The following SERF2 variants were observed in gnomAD, a reference collection of about 807,000 sequenced individuals.
SERF2 encodes the protein gastric cancer-related protein VRG107.
A neutral mutation model predicts 10.7 loss-of-function variants in SERF2; 4 were observed. The observed-to-expected ratio is 0.37, with a 90% CI of 0.18 to 0.86. The LOEUF is 0.86. SERF2 is among the 40% of genes least tolerant of loss of function. SERF2 has a pLI of 0.43. For missense variants in SERF2, 47 were observed against 79.1 expected (o/e 0.59, Z 1.54); for synonymous variants, 26 against 26.0 (o/e 1.00, Z 0.01).
At position 43,794,958 on chromosome 15, in the gene SERF2, T is replaced by C. The variant is rs769313998; in HGVS notation, c.*1185T>C. 8 of 1,506,974 alleles carry C rather than the reference T, an allele frequency of 5.3e-6. No homozygotes were observed. The highest frequency in any genetic ancestry group is 3.6e-5 in the South Asian group (3 of 83,876). 93.4% of individuals were successfully genotyped at this position (1,506,974 alleles called of 1,614,324 possible). A position where few individuals can be genotyped will look rare whatever the true frequency, so the allele number is the denominator to read the frequency against. ...TGGACAGCTCCCCTTGAGCCAACTCTAGGAGTACAATGTCAGGGGAACCCC... is the reference window on the plus strand; with the variant it reads ...TGGACAGCTCCCCTTGAGCCAACTCCAGGAGTACAATGTCAGGGGAACCCC... On this transcript the variant is annotated 3_prime_UTR_variant, in exon 3 of 3. Coordinates refer to ENST00000249786, the MANE Select transcript of SERF2 (RefSeq NM_001018108.4).
At position 43,792,955 on chromosome 15, in the gene SERF2, C is replaced by T. The variant is rs776736585; in HGVS notation, c.8-20C>T. On this transcript the variant is annotated intron_variant, in intron 1 of 2. Coordinates refer to ENST00000249786, the MANE Select transcript of SERF2 (RefSeq NM_001018108.4). Reference sequence around the variant, plus strand: ...GGGCAGAGCGGCCCCCGCGTCTCACCTTTAATTTTCTTTCCTTAGGCGGTA... The same window carrying T: ...GGGCAGAGCGGCCCCCGCGTCTCACTTTTAATTTTCTTTCCTTAGGCGGTA... 2 of 1,568,496 alleles carry T rather than the reference C, an allele frequency of 1.3e-6. No individual in the cohort carries two copies. Among genetic ancestry groups the T allele is most frequent in the Non-Finnish European group, 8.7e-7 (1 of 1,149,450 alleles).
At chr15:43,780,384 C>T (rs567646189) in intron 1 of SERF2, among the ~76,000 whole-genome samples, 15 of 152,210 alleles carry the variant, frequency 9.9e-5, no homozygotes, top group South Asian at 2.1e-4. Flanking sequence ...CCTCGTGATC[C>T]GCCCACCTCG....
chr15:43,783,176 T>C (rs1367808382), intron 1 of SERF2, among the ~76,000 whole-genome samples: 1 of 151,922 alleles, frequency 6.6e-6, no homozygotes, highest in Non-Finnish European at 1.5e-5. Flanking sequence ...CTCAGCCAAT[T>C]TTTATATTTT....
At chr15:43,780,422 G>A (rs775351649) in intron 1 of SERF2, among the ~76,000 whole-genome samples, 1 of 152,178 alleles carries the variant, frequency 6.6e-6, no homozygotes, top group Non-Finnish European at 1.5e-5. Context: ...GATTACAGGC[G>A]TCAGCCACCG....
At chr15:43,792,952 C>A in intron 1 of SERF2, 23 bp from the exon 2 acceptor site, 1 of 1,561,602 alleles carries the variant, frequency 6.4e-7, no homozygotes, top group Non-Finnish European at 8.7e-7. Flanking sequence ...CCCCGCGTCT[C>A]ACCTTTAATT....
At chr15:43,786,837 C>T (rs2087011247) in intron 2 of SERF2, among the ~76,000 whole-genome samples, 1 of 152,156 alleles carries the variant, frequency 6.6e-6, no homozygotes. Flanking sequence ...TGTGTTTCCT[C>T]ATTCATGTCA....
intron 2 of SERF2, chr15:43,793,501 C>G (rs2087121424): frequency 7.0e-7 from 1 of 1,424,624 alleles, no homozygotes; most frequent in Non-Finnish European, 9.3e-7. Context: ...CACCAGACTT[C>G]TGACCCCTTG....
Position 43,795,466 on chromosome 15 carries a change from G to A in SERF2, c.*1693G>A. 3 of 1,614,218 alleles carry A rather than the reference G, an allele frequency of 1.9e-6. No individual in the cohort carries two copies. The highest frequency in any genetic ancestry group is 2.5e-6 in the Non-Finnish European group (3 of 1,180,030). On this transcript the variant is annotated 3_prime_UTR_variant, in exon 3 of 3. Coordinates refer to ENST00000249786, the MANE Select transcript of SERF2 (RefSeq NM_001018108.4). ...GAAGTGGAAGGCAGAATAGTTGTAG[G>A]AAAGATGCTGGACTTGGACTGGAGG... is the stretch of plus-strand genomic sequence containing the variant.
chr15:43,792,850 G>T (rs1049719226), intron 1 of SERF2, 125 bp from the exon 2 acceptor site: 14 of 753,348 alleles, frequency 1.9e-5, no homozygotes, highest in Non-Finnish European at 2.6e-5. Flanking sequence ...GCCTCGATGG[G>T]CCGTTGTCGG....
At chr15:43,789,265 C>G (rs919673426), upstream of SERF2, among the ~76,000 whole-genome samples, 2 of 152,166 alleles carry the variant, frequency 1.3e-5, no homozygotes, top group African/African-American at 2.4e-5. Context: ...ACCTCCCTAT[C>G]TGACCTAGTT....
chr15:43,791,293 G>A (rs2087057692), upstream of SERF2, among the ~76,000 whole-genome samples: 1 of 151,420 alleles, frequency 6.6e-6, no homozygotes. Flanking sequence ...CTGGGCTGGA[G>A]TGCAATGGCG....
upstream of SERF2, chr15:43,792,310 C>T: frequency 6.7e-6 from 9 of 1,350,620 alleles, no homozygotes; most frequent in Non-Finnish European, 8.5e-6. Flanking sequence ...CCAGAAGGGG[C>T]GGGACCTGCA....
intron 1 of SERF2, among the ~76,000 whole-genome samples, chr15:43,780,898 A>C (rs2086959244): frequency 6.6e-6 from 1 of 152,222 alleles, no homozygotes; most frequent in Non-Finnish European, 1.5e-5. Context: ...AATTTCACGA[A>C]TAGGGGAGAT....
chr15:43,793,888 C>G lies in SERF2; in HGVS notation c.*115C>G, dbSNP rs560839312. On this transcript the variant is annotated 3_prime_UTR_variant, in exon 3 of 3. Transcript: ENST00000249786. ...CAGGTCCCAGCACCGATGGCATTCC[C>G]TTTGCCCTGAGTCTGCAGCGGGTCC... 4.2e-4 allele frequency: 672 copies of G among 1,603,100 alleles called. 1 individual carries two copies. The highest frequency in any genetic ancestry group is 5.8e-4 in the Admixed American group (33 of 57,046).
At position 43,795,779 on chromosome 15, in the gene SERF2, T is replaced by G; in HGVS notation, c.*2006T>G. On this transcript the variant is annotated 3_prime_UTR_variant, in exon 3 of 3. Coordinates refer to ENST00000249786, the MANE Select transcript of SERF2 (RefSeq NM_001018108.4). ...GGTTTTGGAATGGTCTTAAAAGATG[T>G]GAGGGTGTTAATCTAGGAAACTTCC... 1 of 1,595,564 alleles carries G rather than the reference T, an allele frequency of 6.3e-7. No homozygotes were observed. Among genetic ancestry groups the G allele is most frequent in the Non-Finnish European group, 8.6e-7 (1 of 1,167,692 alleles).
chr15:43,780,459 G>A (rs1290742699), intron 1 of SERF2, among the ~76,000 whole-genome samples: 1 of 152,124 alleles, frequency 6.6e-6, no homozygotes, highest in Non-Finnish European at 1.5e-5. Context: ...CTGTTTTTAA[G>A]TGTATGGTTC....
chr15:43,779,487 ATATT>A (rs939409002), intron 1 of SERF2, among the ~76,000 whole-genome samples: 1 of 152,014 alleles, frequency 6.6e-6, no homozygotes, highest in Admixed American at 6.6e-5. Context: ...AAAAAATTAC[ATATT>A]TATTTATTTA....
chr15:43,787,721 C>T (rs1182814380), upstream of SERF2, among the ~76,000 whole-genome samples: 2 of 148,162 alleles, frequency 1.3e-5, no homozygotes, highest in African/African-American at 5.0e-5. Flanking sequence ...TTTTTTGAGA[C>T]AGGGTCTTGC....
In SERF2 at chr15:43,794,841, G is replaced by T; in HGVS notation, c.*1068G>T. 1.6e-6 allele frequency: 1 copy of T among 627,032 alleles called. No homozygotes were observed. The highest frequency in any genetic ancestry group is 2.8e-6 in the Non-Finnish European group (1 of 356,980). 38.8% of individuals were successfully genotyped at this position (627,032 alleles called of 1,614,324 possible). On this transcript the variant is annotated 3_prime_UTR_variant, in exon 3 of 3. Transcript: ENST00000249786. ...GTCAGACACTCTGCCCAGCACATTAGACTGTGTTTGACCACTTCTTCCAGT... is the reference window on the plus strand; with the variant it reads ...GTCAGACACTCTGCCCAGCACATTATACTGTGTTTGACCACTTCTTCCAGT...
Sources: allele counts gnomAD v4.1 joint callset (sites outside exome capture counted in the v4.1 genomes callset), GRCh38; gene constraint gnomAD v4.1.1; transcripts MANE v1.5; gene names NCBI Gene and HGNC (gene_info 2026-07-23, HGNC 2026-07-21).